WDR35: variants seen among roughly 807,000 people sequenced by gnomAD.
WDR35 encodes the protein WD repeat domain 35.
WDR35 carries 118 observed loss-of-function variants against 158.3 expected under a neutral mutation model. That is an observed-to-expected ratio of 0.75 (90% CI 0.64 to 0.87). The LOEUF (loss-of-function observed/expected upper bound fraction) is 0.87, where lower values mean the gene tolerates loss of function less well. WDR35 is among the 40% of genes least tolerant of loss of function. The pLI, the probability that WDR35 is intolerant of heterozygous loss-of-function variation, is 0.00. For synonymous variants in WDR35, 448 were observed against 476.1 expected (o/e 0.94, Z 0.77); for missense variants, 1,263 against 1,405.8 (o/e 0.90, Z 1.62).
At chr2:19,978,408 C>T (rs757158145) in intron 5 of WDR35, among the ~76,000 whole-genome samples, 1 of 151,976 alleles carries the variant, frequency 6.6e-6, no homozygotes, top group Non-Finnish European at 1.5e-5. Context: ...ATAAAAACGA[C>T]CACAGACTTT....
At chr2:19,987,200 T>C (rs981146868) in intron 2 of WDR35, among the ~76,000 whole-genome samples, 4 of 152,240 alleles carry the variant, frequency 2.6e-5, no homozygotes, top group Non-Finnish European at 2.9e-5. Context: ...CAGTGCTTCA[T>C]AGAAAGCAGG....
At chr2:19,945,509 G>A (rs1408690917) in intron 16 of WDR35, among the ~76,000 whole-genome samples, 4 of 152,106 alleles carry the variant, frequency 2.6e-5, no homozygotes, top group Non-Finnish European at 5.9e-5. Context: ...AAAAAGACTA[G>A]TGACCATGGC....
chr2:19,986,004 T>C (rs62109420), intron 2 of WDR35, among the ~76,000 whole-genome samples: 12,293 of 144,850 alleles, frequency 0.085, 705 homozygotes, highest in South Asian at 0.21. Flanking sequence ...ATTCTCACAA[T>C]AGACCAGGTG....
intron 25 of WDR35, among the ~76,000 whole-genome samples, chr2:19,918,177 C>G (rs985630383): frequency 2.6e-5 from 4 of 152,170 alleles, no homozygotes; most frequent in Admixed American, 1.3e-4. Flanking sequence ...AAATCCTTTA[C>G]AGACAAGGAA....
Position 19,948,218 on chromosome 2 carries a change from C to A in WDR35, c.1471-1G>T, listed in dbSNP as rs769008196. ...TGGCACAAATTGGATCCCTTGTGCC[C>A]TAAAATAAATTAATCAATCATTACT... On this transcript the variant is annotated splice_acceptor_variant, in intron 13 of 26. Transcript: ENST00000281405. LOFTEE classifies it high-confidence loss of function. 2 of 1,609,606 alleles carry A rather than the reference C, an allele frequency of 1.2e-6. No individual in the cohort carries two copies. The highest frequency in any genetic ancestry group is 2.2e-5 in the South Asian group (2 of 90,312).
chr2:19,932,633 A>C (rs538626458), intron 22 of WDR35, among the ~76,000 whole-genome samples, 186 bp from the exon 23 acceptor site: 3 of 152,214 alleles, frequency 2.0e-5, no homozygotes, highest in Non-Finnish European at 2.9e-5. Context: ...AAAATGATTA[A>C]ATGATCTCTA....
intron 5 of WDR35, among the ~76,000 whole-genome samples, chr2:19,976,250 T>C (rs1672205925): frequency 6.6e-6 from 1 of 152,136 alleles, no homozygotes; most frequent in Admixed American, 6.5e-5. Context: ...CTAAATAAAA[T>C]AAACACTTTT....
Position 19,935,698 on chromosome 2 carries a change from A to G in WDR35, c.2415-95T>C, listed in dbSNP as rs1670672377. On this transcript the variant is annotated intron_variant, in intron 20 of 26. Coordinates refer to ENST00000281405, the MANE Select transcript of WDR35 (RefSeq NM_020779.4). ...AAAATGTTCCTTCATCATAATTCCC[A>G]GTACTAGTATTACTGTTCATTATCT... The G allele has an allele frequency of 4.3e-6, 6 of 1,404,970 alleles. No homozygotes were observed. In the Admixed American group the frequency reaches 1.2e-4, roughly 27 times the overall value. 87.0% of individuals were successfully genotyped at this position (1,404,970 alleles called of 1,614,324 possible). A position where few individuals can be genotyped will look rare whatever the true frequency, so the allele number is the denominator to read the frequency against.
Position 19,973,586 on chromosome 2 carries a change from G to A in WDR35, c.859C>T (p.Gln287Ter). The change falls in exon 8 of 27, where the codon CAG becomes TAG. Residue 287 changes from glutamine (Q) to a stop codon, truncating the protein, a stop_gained. Transcript: ENST00000281405. LOFTEE classifies it high-confidence loss of function. ...ACCTCACCAAACGGAGTGTAAAACT[G>A]CACAATGTTCACATCTTTGTCCTGC... ...AMQDKDVNIV[Q>*]FYTPFGEHLG... The A allele has an allele frequency of 1.9e-6, 3 of 1,614,142 alleles. No homozygotes were observed. Among genetic ancestry groups the A allele is most frequent in the Non-Finnish European group, 2.5e-6 (3 of 1,180,022 alleles).
At chr2:19,940,904 T>A (rs1414939342) in intron 17 of WDR35, among the ~76,000 whole-genome samples, 3 of 152,178 alleles carry the variant, frequency 2.0e-5, no homozygotes, top group Non-Finnish European at 4.4e-5. Flanking sequence ...GGTGTCCCTA[T>A]GGTATCATCA....
At position 19,973,481 on chromosome 2, in the gene WDR35, C is replaced by T. The variant is rs1210781465; in HGVS notation, c.882+82G>A. ...AAAAGAAAATGTGATAAGTTTACAC[C>T]GTTTCCTTTGTTATTTTTTCCTCTA... On this transcript the variant is annotated intron_variant, in intron 8 of 26. Transcript: ENST00000281405. 22 of 1,571,290 alleles carry T rather than the reference C, an allele frequency of 1.4e-5. No homozygotes were observed. The East Asian group carries it at 2.0e-4, about 14-fold the overall frequency.
chr2:19,982,329 C>T, intron 3 of WDR35, 134 bp downstream of exon 3: 2 of 855,878 alleles, frequency 2.3e-6, no homozygotes, highest in East Asian at 2.7e-5. Flanking sequence ...AACATATCCC[C>T]ATCGTAACTC....
chr2:19,915,868 C>G (rs1013795027), intron 25 of WDR35, among the ~76,000 whole-genome samples: 3 of 149,040 alleles, frequency 2.0e-5, no homozygotes, highest in Non-Finnish European at 4.4e-5. Flanking sequence ...GTGCAGTGAG[C>G]TGAGATTATG....
At chr2:19,939,189 A>C (rs980606215) in intron 17 of WDR35, among the ~76,000 whole-genome samples, 1 of 152,216 alleles carries the variant, frequency 6.6e-6, no homozygotes. Context: ...TTACGTAAGG[A>C]GAAAATGTAG....
intron 10 of WDR35, chr2:19,962,242 A>G: frequency 6.2e-7 from 1 of 1,606,034 alleles, no homozygotes; most frequent in Admixed American, 1.7e-5. Flanking sequence ...TATAACCTCA[A>G]AACTCATTTT....
chr2:19,945,721 AT>A, intron 16 of WDR35, 64 bp downstream of exon 16: 1 of 1,572,300 alleles, frequency 6.4e-7, no homozygotes, highest in Non-Finnish European at 8.7e-7. Flanking sequence ...ACAAAGGGGA[AT>A]CATCCAGGTT....
chr2:19,965,212 C>T (rs1363854163), intron 10 of WDR35, among the ~76,000 whole-genome samples: 1 of 152,182 alleles, frequency 6.6e-6, no homozygotes, highest in Non-Finnish European at 1.5e-5. Flanking sequence ...TGTGAGCCAT[C>T]GCACCCAGCC....
At chr2:19,939,991 TA>T (rs139257837) in intron 17 of WDR35, among the ~76,000 whole-genome samples, 15 of 144,680 alleles carry the variant, frequency 1.0e-4, no homozygotes, top group Non-Finnish European at 1.1e-4. Flanking sequence ...ATATTCAAAA[TA>T]AAAAAAAAAG....
At chr2:19,940,787 A>T (rs1278272846) in intron 17 of WDR35, among the ~76,000 whole-genome samples, 2 of 152,000 alleles carry the variant, frequency 1.3e-5, no homozygotes, top group Non-Finnish European at 2.9e-5. Flanking sequence ...AACAACAAAA[A>T]CACCCTCAAG....
Sources: gnomAD v4.1 joint callset for allele counts (sites outside exome capture counted in the v4.1 genomes callset) on GRCh38, gnomAD v4.1.1 for gene constraint, MANE v1.5 for transcripts, NCBI Gene and HGNC (gene_info 2026-07-23, HGNC 2026-07-21) for gene names.